NSUN4: variants seen among roughly 807,000 people sequenced by gnomAD.
NSUN4 encodes 5-cytosine rRNA methyltransferase NSUN4.
NSUN4 carries 31 observed loss-of-function variants against 43.8 expected under a neutral mutation model. The ratio of observed to expected loss-of-function variants is 0.71; its 90% CI spans 0.53 to 0.96. NSUN4 has a LOEUF of 0.96. Among genes scored for constraint, NSUN4 ranks in the 40% least tolerant of loss-of-function variants. The pLI is 0.00. For missense variants in NSUN4, 439 were observed against 475.6 expected, an observed-to-expected ratio of 0.92 and a Z score of 0.72; for synonymous variants, 167 against 184.1, an observed-to-expected ratio of 0.91 and a Z score of 0.75.
chr1:46,340,903 G>T lies in NSUN4; in HGVS notation c.77G>T (p.Arg26Leu), dbSNP rs760902971. The T allele has an allele frequency of 1.4e-5, 22 of 1,613,102 alleles. No homozygotes were observed. Among genetic ancestry groups the T allele is most frequent in the Non-Finnish European group, 1.8e-5 (21 of 1,179,576 alleles). Residue 26 changes from arginine to leucine, a missense_variant, in exon 1 of 6, where the codon CGA (arginine) becomes CTA (leucine). Transcript: ENST00000474844. The part of the protein sequence containing the change: ...VDLATVPRRH[R>L]YKKKWAATEP... ...CTCGCGACGGTCCCGCGGAGACATCGATATAAGAAGAAATGGGTAAGGTCC... is the reference window on the plus strand; with the variant it reads ...CTCGCGACGGTCCCGCGGAGACATCTATATAAGAAGAAATGGGTAAGGTCC...
intron 3 of NSUN4, among the ~76,000 whole-genome samples, chr1:46,347,909 AC>A (rs1367440467): frequency 7.3e-6 from 1 of 137,628 alleles, no homozygotes; most frequent in East Asian, 2.1e-4. Flanking sequence ...ATGGAGTCTC[AC>A]TCTGTCACCC....
chr1:46,352,936 G>A lies in NSUN4; in HGVS notation c.661G>A (p.Val221Met), dbSNP rs370208294. The A allele has an allele frequency of 1.4e-4, 233 of 1,613,850 alleles. No homozygotes were observed. The highest frequency in any genetic ancestry group is 1.8e-4 in the Non-Finnish European group (218 of 1,179,812). ...ACTACAGAAGATCCTTCACAGCTAT[G>A]TGCCTGAAGAGATCAGGGATGGAAA... ...ARLQKILHSY[V>M]PEEIRDGNQV... Residue 221 changes from valine (V) to methionine (M), a missense_variant, in exon 4 of 6, where the codon GTG (valine) becomes ATG (methionine). Transcript: ENST00000474844.
At chr1:46,361,465 C>G (rs1663864032) in intron 5 of NSUN4, 105 bp from the exon 6 acceptor site, 1 of 1,011,792 alleles carries the variant, frequency 9.9e-7, no homozygotes, top group Non-Finnish European at 1.5e-6. Flanking sequence ...AACCAGCTAC[C>G]CATCCTGTAG....
intron 1 of NSUN4, chr1:46,341,371 C>T (rs1662091460): frequency 1.0e-6 from 1 of 1,000,590 alleles, no homozygotes; most frequent in Non-Finnish European, 1.2e-6. Flanking sequence ...CTTGCCTGCA[C>T]TCCTGGGTCT....
the NSUN4 span, among the ~76,000 whole-genome samples, chr1:46,375,058 G>A: frequency 6.6e-6 from 1 of 151,950 alleles, no homozygotes; most frequent in Admixed American, 6.6e-5. Context: ...TTTTAAAAAG[G>A]GTAATAATAG....
chr1:46,380,088 G>A, the NSUN4 span, among the ~76,000 whole-genome samples: 1 of 152,126 alleles, frequency 6.6e-6, no homozygotes, highest in Non-Finnish European at 1.5e-5. Flanking sequence ...AAGAAGCAGA[G>A]CATTTACTGC....
chr1:46,369,219 C>T (rs564709775), downstream of NSUN4, among the ~76,000 whole-genome samples: 1 of 152,286 alleles, frequency 6.6e-6, no homozygotes, highest in East Asian at 1.9e-4. Context: ...TAGCACTTTC[C>T]ATGGCCACTT....
chr1:46,342,405 C>T (rs766443726), intron 1 of NSUN4: 76 of 399,138 alleles, frequency 1.9e-4, no homozygotes, highest in Admixed American at 6.6e-4. Flanking sequence ...TCATTACTCC[C>T]ATCTTTCCTC....
the NSUN4 span, among the ~76,000 whole-genome samples, chr1:46,376,711 CATGTGTGT>C: frequency 2.0e-5 from 2 of 97,974 alleles, no homozygotes; most frequent in Non-Finnish European, 4.7e-5. Flanking sequence ...CTTTAGAGAG[CATGTGTGT>C]GTGTGTGTGT....
Position 46,359,552 on chromosome 1 carries a change from T to G in NSUN4, c.754-1152T>G, listed in dbSNP as rs28537463. ...AGCGCTGCCACCACGCCCGGCTAAA[T>G]TTTTTTTTTTTTTTTTGAGATGGCG... On this transcript the variant is annotated intron_variant, in intron 4 of 5. Transcript: ENST00000474844. 1.6e-3 allele frequency among the ~76,000 whole-genome samples: 135 copies of G among 82,510 alleles called. 2 individuals are homozygous for G. Among genetic ancestry groups the G allele is most frequent in the Non-Finnish European group, 2.5e-3 (77 of 31,156 alleles). The allele number at this position is 82,510 out of a possible 152,430, so 54.1% of individuals were successfully genotyped here. A position where few individuals can be genotyped will look rare whatever the true frequency, so the allele number is the denominator to read the frequency against.
intron 3 of NSUN4, among the ~76,000 whole-genome samples, chr1:46,348,709 CAAAAAAAAA>C (rs34999763): frequency 5.8e-5 from 3 of 52,140 alleles, no homozygotes; most frequent in African/African-American, 1.6e-4. Flanking sequence ...AACTCTGTCT[CAAAAAAAAA>C]AAAAAAAAAA....
chr1:46,343,335 A>G (rs1662255118), intron 1 of NSUN4: 1 of 399,484 alleles, frequency 2.5e-6, no homozygotes, highest in Non-Finnish European at 4.4e-6. Context: ...AAGTTTACCC[A>G]TTGTCCCCCG....
the NSUN4 span, among the ~76,000 whole-genome samples, chr1:46,374,372 G>A: frequency 6.6e-6 from 1 of 151,214 alleles, no homozygotes; most frequent in African/African-American, 2.4e-5. Context: ...CATTTTGGGA[G>A]TCTGAGGCAG....
At chr1:46,360,228 CAAAAAAAAAA>C (rs1240539714) in intron 4 of NSUN4, among the ~76,000 whole-genome samples, 1 of 35,018 alleles carries the variant, frequency 2.9e-5, no homozygotes, top group Non-Finnish European at 4.7e-5. Flanking sequence ...GACTCCATCT[CAAAAAAAAAA>C]AAAAAAAAAA....
chr1:46,378,659 A>C, the NSUN4 span, among the ~76,000 whole-genome samples: 2 of 152,378 alleles, frequency 1.3e-5, no homozygotes, highest in Admixed American at 6.5e-5. Context: ...GTAATGAACC[A>C]ACCTTCAAAG....
chr1:46,366,727 A>AAAAAAAAAAAAAAG (rs1553178523), downstream of NSUN4, among the ~76,000 whole-genome samples: 75 of 127,972 alleles, frequency 5.9e-4, no homozygotes, highest in Non-Finnish European at 9.3e-4. Flanking sequence ...AAAAAAAAAA[A>AAAAAAAAAAAAAAG]AAGTGGGTAG....
chr1:46,358,473 C>T (rs1216443967), intron 4 of NSUN4, among the ~76,000 whole-genome samples: 3 of 139,652 alleles, frequency 2.1e-5, no homozygotes, highest in African/African-American at 8.2e-5. Flanking sequence ...ACGATCTCGG[C>T]TCACTGCAAC....
chr1:46,347,482 G>T (rs1662599679), intron 3 of NSUN4, among the ~76,000 whole-genome samples: 2 of 152,184 alleles, frequency 1.3e-5, no homozygotes. Flanking sequence ...TAGTCCCAAA[G>T]TCAGAGTGGA....
chr1:46,361,501 G>C (rs1663867075), intron 5 of NSUN4, 69 bp from the exon 6 acceptor site: 1 of 1,439,744 alleles, frequency 6.9e-7, no homozygotes, highest in East Asian at 2.3e-5. Context: ...CATGTTTCCA[G>C]CTCCTTATGT....
Sources: gnomAD v4.1 joint callset for allele counts (sites outside exome capture counted in the v4.1 genomes callset) on GRCh38, gnomAD v4.1.1 for gene constraint, MANE v1.5 for transcripts, NCBI Gene and HGNC (gene_info 2026-07-23, HGNC 2026-07-21) for gene names.